MILR1: variants seen among roughly 807,000 people sequenced by gnomAD.
The protein encoded by MILR1 is allergin-1.
In MILR1, 31 loss-of-function variants were observed where a neutral mutation model predicts 18.5. The observed-to-expected ratio is 1.68, with a 90% CI of 1.26 to 2.26. MILR1 has a LOEUF of 2.26. MILR1 is among the 30% of genes most tolerant of loss of function. MILR1 has a pLI of 0.00. For missense variants in MILR1, 257 were observed against 157.4 expected, an observed-to-expected ratio of 1.63 and a Z score of -3.38; for synonymous variants, 85 against 56.2, an observed-to-expected ratio of 1.51 and a Z score of -2.30.
chr17:64,459,653 A>G (rs1268702104), intron 4 of MILR1, among the ~76,000 whole-genome samples: 4 of 152,144 alleles, frequency 2.6e-5, no homozygotes, highest in Non-Finnish European at 5.9e-5. Context: ...TGACCTTAGG[A>G]AAGTCATTTC....
chr17:64,460,695 T>G, intron 4 of MILR1, 127 bp from the exon 5 acceptor site: 2 of 399,838 alleles, frequency 5.0e-6, no homozygotes, highest in Admixed American at 4.0e-5. Flanking sequence ...GTCATGACCA[T>G]TTGGGAACCT....
chr17:64,495,177 C>CAAAAAAA, the MILR1 span, among the ~76,000 whole-genome samples: 5,382 of 118,834 alleles, frequency 0.045, 350 homozygotes, highest in African/African-American at 0.12. Flanking sequence ...GACTCTGTCT[C>CAAAAAAA]AAAAAAAAAA....
At chr17:64,478,802 C>G in the MILR1 span, among the ~76,000 whole-genome samples, 1 of 152,056 alleles carries the variant, frequency 6.6e-6, no homozygotes, top group African/African-American at 2.4e-5. Flanking sequence ...GAGGCTGAGG[C>G]AGGAGAATCG....
the MILR1 span, among the ~76,000 whole-genome samples, chr17:64,490,229 TAATA>T: frequency 6.6e-6 from 1 of 152,190 alleles, no homozygotes; most frequent in African/African-American, 2.4e-5. Flanking sequence ...GGCCGTTAAT[TAATA>T]AATACAAACT....
chr17:64,483,038 G>A, the MILR1 span: 1 of 999,092 alleles, frequency 1.0e-6, no homozygotes, highest in Non-Finnish European at 1.6e-6. Flanking sequence ...GACAGGAAAG[G>A]GGAAAAAGCA....
At chr17:64,485,707 T>C in the MILR1 span, 15 of 1,595,330 alleles carry the variant, frequency 9.4e-6, no homozygotes, top group African/African-American at 2.0e-4. Context: ...CCCAAGTCTA[T>C]CTCTGAAATA....
At chr17:64,466,366 C>G in intron 6 of MILR1, 76 bp from the exon 7 acceptor site, 4 of 1,233,304 alleles carry the variant, frequency 3.2e-6, no homozygotes, top group Non-Finnish European at 4.7e-6. Context: ...ATTCCAGACG[C>G]ATTGCTGAGC....
chr17:64,478,086 A>C, the MILR1 span: 1 of 1,284,648 alleles, frequency 7.8e-7, no homozygotes, highest in Non-Finnish European at 1.1e-6. Context: ...CACTCTCAAG[A>C]GTCACAGACT....
downstream of MILR1, among the ~76,000 whole-genome samples, chr17:64,472,506 A>G (rs1327108226): frequency 1.4e-5 from 2 of 143,426 alleles, no homozygotes; most frequent in Admixed American, 1.4e-4. Flanking sequence ...AAGAATAACT[A>G]GGGAGAAAAC....
the MILR1 span, among the ~76,000 whole-genome samples, chr17:64,495,734 G>C: frequency 3.3e-5 from 5 of 151,394 alleles, no homozygotes; most frequent in African/African-American, 1.2e-4. Flanking sequence ...TTAAGACGGA[G>C]TTTTGCTCTT....
chr17:64,466,723 C>A, intron 8 of MILR1, 61 bp downstream of exon 8: 2 of 1,400,190 alleles, frequency 1.4e-6, no homozygotes, highest in South Asian at 1.2e-5. Flanking sequence ...CCTCTGATGT[C>A]ATTATATTCA....
At chr17:64,491,719 G>A in the MILR1 span, 2 of 901,998 alleles carry the variant, frequency 2.2e-6, no homozygotes, top group Non-Finnish European at 3.6e-6. Flanking sequence ...GTGCTGGCAG[G>A]GTACATGCTC....
chr17:64,454,393 G>A (rs1259885723), intron 3 of MILR1, among the ~76,000 whole-genome samples: 2 of 152,136 alleles, frequency 1.3e-5, no homozygotes, highest in Non-Finnish European at 2.9e-5. Flanking sequence ...TTAAAATCAA[G>A]TCAATTAAAA....
chr17:64,468,877 G>T (rs1262227655), downstream of MILR1, among the ~76,000 whole-genome samples: 1 of 151,938 alleles, frequency 6.6e-6, no homozygotes, highest in Non-Finnish European at 1.5e-5. Context: ...TTCAGGTCAG[G>T]AGTTCAAGAC....
At chr17:64,478,111 G>A in the MILR1 span, 1 of 953,510 alleles carries the variant, frequency 1.0e-6, no homozygotes, top group Non-Finnish European at 1.6e-6. Context: ...GCTTAAGGGT[G>A]GACCAAAAAA....
In MILR1 at chr17:64,462,255, C is replaced by T. The variant is rs1013400932; in HGVS notation, c.763+1323C>T. ...ATGTTGCCCAGGCTGGTCTCGAACA[C>T]TTGGGCTCAAACAATCCTCCCACCT... On this transcript the variant is annotated intron_variant, in intron 5 of 9. Transcript: ENST00000619286. Among the ~76,000 whole-genome samples, 29 of 151,716 alleles carry T rather than the reference C, an allele frequency of 1.9e-4. No individual in the cohort carries two copies. In the East Asian group the frequency reaches 5.3e-3, roughly 28 times the overall value.
At chr17:64,495,473 GGAGGCTGAGGTGGGAGGTTCACTT>G in the MILR1 span, among the ~76,000 whole-genome samples, 1 of 151,926 alleles carries the variant, frequency 6.6e-6, no homozygotes, top group African/African-American at 2.4e-5. Context: ...CAGCTACTTG[GGAGGCTGAGGTGGGAGGTTCACTT>G]GAGCCCGAGG....
At chr17:64,458,353 C>T (rs999960913) in intron 4 of MILR1, among the ~76,000 whole-genome samples, 2 of 151,986 alleles carry the variant, frequency 1.3e-5, no homozygotes, top group Non-Finnish European at 2.9e-5. Context: ...GCTGGGACTA[C>T]AGGCACCCGC....
At chr17:64,450,474 T>C (rs1281849565) in intron 2 of MILR1, among the ~76,000 whole-genome samples, 2 of 152,136 alleles carry the variant, frequency 1.3e-5, no homozygotes, top group African/African-American at 4.8e-5. Context: ...ATATTCGTTA[T>C]CTTTTTTTGT....
Sources: allele counts gnomAD v4.1 joint callset (sites outside exome capture counted in the v4.1 genomes callset), GRCh38; gene constraint gnomAD v4.1.1; transcripts MANE v1.5; gene names NCBI Gene and HGNC (gene_info 2026-07-23, HGNC 2026-07-21).